The following CDK6 variants were observed in gnomAD, a reference collection of about 807,000 sequenced individuals.
CDK6 encodes cyclin dependent kinase 6.
CDK6 carries 6 observed loss-of-function variants against 37.1 expected under a neutral mutation model. The observed-to-expected ratio is 0.16, with a 90% CI of 0.09 to 0.32. The LOEUF (loss-of-function observed/expected upper bound fraction) is 0.32, where lower values mean the gene tolerates loss of function less well. CDK6 is among the 10% of genes least tolerant of loss of function. The pLI, the probability that CDK6 is intolerant of heterozygous loss-of-function variation, is 1.00. For missense variants in CDK6, 224 were observed against 418.9 expected, an observed-to-expected ratio of 0.53 and a Z score of 4.06; for synonymous variants, 160 against 161.3, an observed-to-expected ratio of 0.99 and a Z score of 0.06.
At chr7:92,779,885 TTTTTTTTG>T in intron 2 of CDK6, among the ~76,000 whole-genome samples, 1 of 152,152 alleles carries the variant, frequency 6.6e-6, no homozygotes, top group East Asian at 1.9e-4. Context: ...TTTATGATGC[TTTTTTTTG>T]TCTACAATGA....
intron 3 of CDK6, among the ~76,000 whole-genome samples, chr7:92,748,176 C>T (rs1799104666): frequency 6.6e-6 from 1 of 152,284 alleles, no homozygotes; most frequent in Admixed American, 6.5e-5. Context: ...CAGAATATGG[C>T]TTTCCAGAGA....
At chr7:92,651,536 G>A (rs1199796792) in intron 5 of CDK6, among the ~76,000 whole-genome samples, 1 of 152,126 alleles carries the variant, frequency 6.6e-6, no homozygotes, top group Non-Finnish European at 1.5e-5. Context: ...CAAGAAACAG[G>A]ATAAAGATCA....
At chr7:92,710,903 C>A (rs1798073566) in intron 4 of CDK6, 1 of 970,110 alleles carries the variant, frequency 1.0e-6, no homozygotes, top group Admixed American at 6.2e-5. Flanking sequence ...GGGCTGAAGT[C>A]AGAACATGCT....
chr7:92,770,275 G>A (rs1233986614), intron 3 of CDK6, among the ~76,000 whole-genome samples: 1 of 147,710 alleles, frequency 6.8e-6, no homozygotes, highest in Non-Finnish European at 1.5e-5. Flanking sequence ...TAAATAATGT[G>A]ATGAAAACCC....
At chr7:92,708,757 C>G (rs1296870869) in intron 4 of CDK6, among the ~76,000 whole-genome samples, 1 of 152,154 alleles carries the variant, frequency 6.6e-6, no homozygotes, top group Non-Finnish European at 1.5e-5. Flanking sequence ...CTGATTTATA[C>G]AACTACTAGT....
intron 2 of CDK6, among the ~76,000 whole-genome samples, chr7:92,821,684 C>T (rs923012335): frequency 2.0e-5 from 3 of 151,096 alleles, no homozygotes; most frequent in Admixed American, 6.6e-5. Flanking sequence ...CTTTCTTTTC[C>T]TTAATTCTTT....
chr7:92,699,468 A>C (rs1383400757), intron 4 of CDK6, among the ~76,000 whole-genome samples: 1 of 152,204 alleles, frequency 6.6e-6, no homozygotes, highest in Admixed American at 6.5e-5. Flanking sequence ...ACATTTTTCT[A>C]CTAAACCAAA....
chr7:92,640,881 A>C (rs2116534204), intron 5 of CDK6, among the ~76,000 whole-genome samples: 1 of 152,342 alleles, frequency 6.6e-6, no homozygotes, highest in Admixed American at 6.5e-5. Flanking sequence ...ACCAATGTGC[A>C]TCACAGCTTT....
At chr7:92,621,735 G>A (rs1336219587) in intron 6 of CDK6, among the ~76,000 whole-genome samples, 1 of 152,186 alleles carries the variant, frequency 6.6e-6, no homozygotes, top group Non-Finnish European at 1.5e-5. Context: ...AAGGCTTTGT[G>A]TTGAATTTAT....
chr7:92,768,273 G>A (rs933022412), intron 3 of CDK6, among the ~76,000 whole-genome samples: 2 of 152,148 alleles, frequency 1.3e-5, no homozygotes, highest in African/African-American at 2.4e-5. Context: ...AACCACGTTC[G>A]CAAGTTAAAA....
intron 3 of CDK6, among the ~76,000 whole-genome samples, chr7:92,772,950 T>C (rs2115775060): frequency 6.6e-6 from 1 of 152,190 alleles, no homozygotes; most frequent in Non-Finnish European, 1.5e-5. Context: ...GTCTGTTTTT[T>C]TAAAAAAAAG....
intron 3 of CDK6, among the ~76,000 whole-genome samples, chr7:92,729,592 C>G (rs1562949252): frequency 2.6e-5 from 4 of 152,136 alleles, no homozygotes; most frequent in Admixed American, 2.6e-4. Context: ...GACTCTGGAC[C>G]TTTCTGAATA....
chr7:92,794,401 T>TA (rs985319650), intron 2 of CDK6, among the ~76,000 whole-genome samples: 81 of 152,198 alleles, frequency 5.3e-4, no homozygotes, highest in African/African-American at 1.9e-3. Context: ...CCCTCACTCT[T>TA]AAACACTGCA....
Position 92,610,473 on chromosome 7 carries a change from T to C in CDK6, c.*4667A>G, listed in dbSNP as rs894882421. ...GTAAAAATTGGACCCCTTCTGTTTT[T>C]ACATTTCTGTTGCTTACAAAGGTCA... On this transcript the variant is annotated 3_prime_UTR_variant, in exon 8 of 8. Transcript: ENST00000424848. 9 of 230,714 alleles carry C rather than the reference T, an allele frequency of 3.9e-5. No homozygotes were observed. The highest frequency in any genetic ancestry group is 1.3e-3 in the Middle Eastern group (1 of 788). The allele number at this position is 230,714 out of a possible 1,614,324, so 14.3% of individuals were successfully genotyped here.
intron 4 of CDK6, among the ~76,000 whole-genome samples, chr7:92,679,731 T>A (rs932383966): frequency 6.6e-6 from 1 of 152,158 alleles, no homozygotes; most frequent in African/African-American, 2.4e-5. Flanking sequence ...TTACTTCTTT[T>A]TTTTTTCGAG....
intron 3 of CDK6, among the ~76,000 whole-genome samples, chr7:92,752,791 GT>G (rs923964418): frequency 1.3e-5 from 2 of 151,802 alleles, no homozygotes; most frequent in South Asian, 4.2e-4. Flanking sequence ...TCAAGCCAAT[GT>G]TTTTTTTGTC....
intron 3 of CDK6, among the ~76,000 whole-genome samples, chr7:92,725,994 C>A (rs1798504259): frequency 6.6e-6 from 1 of 152,088 alleles, no homozygotes; most frequent in Non-Finnish European, 1.5e-5. Context: ...AAATTTCACT[C>A]TCAACCTGTA....
At chr7:92,811,015 G>A (rs1040513003) in intron 2 of CDK6, among the ~76,000 whole-genome samples, 10 of 151,916 alleles carry the variant, frequency 6.6e-5, no homozygotes, top group Admixed American at 1.3e-4. Flanking sequence ...GCAGTGAGCC[G>A]AGATCGCGCC....
chr7:92,797,730 C>T (rs554112725), intron 2 of CDK6, among the ~76,000 whole-genome samples: 3 of 152,290 alleles, frequency 2.0e-5, no homozygotes, highest in East Asian at 3.9e-4. Flanking sequence ...CTAAAGAAAT[C>T]AACTCTTTGG....
Sources: gnomAD v4.1 joint callset for allele counts (sites outside exome capture counted in the v4.1 genomes callset) on GRCh38, gnomAD v4.1.1 for gene constraint, MANE v1.5 for transcripts, NCBI Gene and HGNC (gene_info 2026-07-23, HGNC 2026-07-21) for gene names.